Variants in INPP4B observed in about 807,000 individuals in gnomAD.
The protein encoded by INPP4B is inositol polyphosphate 4-phosphatase type II.
A neutral mutation model predicts 122.5 loss-of-function variants in INPP4B; 55 were observed. The observed-to-expected ratio is 0.45, with a 90% CI of 0.36 to 0.56. The LOEUF is 0.56. Ranked by LOEUF, INPP4B falls within the 20% of genes least tolerant of loss-of-function variation. INPP4B has a pLI of 0.00. For missense variants in INPP4B, 1,000 were observed against 1,097.7 expected (o/e 0.91, Z 1.26); for synonymous variants, 403 against 388.7 (o/e 1.04, Z -0.43).
intron 2 of INPP4B, among the ~76,000 whole-genome samples, chr4:142,637,833 G>T (rs984479875): frequency 1.5e-4 from 23 of 152,162 alleles, no homozygotes; most frequent in African/African-American, 5.5e-4. Context: ...ATGAGTTCCT[G>T]TTGCTCCATA....
At chr4:142,096,816 T>A (rs1782019455) in intron 23 of INPP4B, among the ~76,000 whole-genome samples, 2 of 152,248 alleles carry the variant, frequency 1.3e-5, no homozygotes, top group Admixed American at 1.3e-4. Context: ...CAATCTTCAG[T>A]TCACTGCAGA....
At chr4:142,459,671 A>G (rs1816299263) in intron 3 of INPP4B, among the ~76,000 whole-genome samples, 1 of 152,170 alleles carries the variant, frequency 6.6e-6, no homozygotes, top group African/African-American at 2.4e-5. Flanking sequence ...AAAATCACAG[A>G]GAAGCGTAAT....
At chr4:142,099,783 T>G (rs1228103111) in intron 23 of INPP4B, among the ~76,000 whole-genome samples, 2 of 152,180 alleles carry the variant, frequency 1.3e-5, no homozygotes. Context: ...GCTTAGGTCA[T>G]TCAACTATTA....
chr4:142,773,845 T>C (rs1386938565), intron 1 of INPP4B, among the ~76,000 whole-genome samples: 1 of 151,164 alleles, frequency 6.6e-6, no homozygotes, highest in Non-Finnish European at 1.5e-5. Flanking sequence ...ATGAAATTGA[T>C]CTAGATTTTT....
intron 15 of INPP4B, among the ~76,000 whole-genome samples, chr4:142,177,466 A>G (rs1373724058): frequency 1.3e-5 from 2 of 152,148 alleles, no homozygotes; most frequent in Non-Finnish European, 2.9e-5. Flanking sequence ...ACTGGATCCA[A>G]ACACTTGAGT....
chr4:142,030,396 C>G, intron 25 of INPP4B: 1 of 994,276 alleles, frequency 1.0e-6, no homozygotes, highest in Non-Finnish European at 1.5e-6. Context: ...AAATACAATG[C>G]ATTATCTTAC....
At chr4:142,699,648 T>C (rs76208669) in intron 2 of INPP4B, among the ~76,000 whole-genome samples, 1,743 of 152,310 alleles carry the variant, frequency 0.011, 32 homozygotes, top group African/African-American at 0.032. Context: ...TTAAATACTT[T>C]TGTCTCCTAT....
chr4:142,428,840 G>A (rs1211917147), intron 5 of INPP4B, among the ~76,000 whole-genome samples: 1 of 151,894 alleles, frequency 6.6e-6, no homozygotes, highest in East Asian at 1.9e-4. Flanking sequence ...CTCCAGTCCA[G>A]GTATAGAAAA....
chr4:142,340,708 C>T (rs1337688259), intron 7 of INPP4B, among the ~76,000 whole-genome samples: 2 of 152,174 alleles, frequency 1.3e-5, no homozygotes, highest in African/African-American at 4.8e-5. Flanking sequence ...CCACCATAAC[C>T]AGCCAGGGTC....
At chr4:142,259,243 T>C (rs1243167334) in intron 11 of INPP4B, among the ~76,000 whole-genome samples, 4 of 148,908 alleles carry the variant, frequency 2.7e-5, no homozygotes, top group Non-Finnish European at 6.0e-5. Context: ...TTGGGAGATA[T>C]ACCTAATGCT....
At chr4:142,757,797 AG>A (rs2150965249) in intron 1 of INPP4B, among the ~76,000 whole-genome samples, 1 of 152,298 alleles carries the variant, frequency 6.6e-6, no homozygotes, top group Non-Finnish European at 1.5e-5. Flanking sequence ...GCTGGATCTT[AG>A]GGTAAGAATA....
chr4:142,656,917 A>G (rs1754259364), intron 2 of INPP4B, among the ~76,000 whole-genome samples: 1 of 152,154 alleles, frequency 6.6e-6, no homozygotes, highest in Admixed American at 6.5e-5. Context: ...GCTGTGGCCA[A>G]TCTGGTGTGC....
At chr4:142,358,985 G>A (rs1338330481) in intron 7 of INPP4B, among the ~76,000 whole-genome samples, 1 of 151,872 alleles carries the variant, frequency 6.6e-6, no homozygotes, top group Non-Finnish European at 1.5e-5. Context: ...GTGTTTTAGA[G>A]GGCTATTCTG....
intron 10 of INPP4B, among the ~76,000 whole-genome samples, 191 bp downstream of exon 10, chr4:142,270,472 T>C (rs1301612177): frequency 6.6e-6 from 1 of 152,166 alleles, no homozygotes; most frequent in Non-Finnish European, 1.5e-5. Flanking sequence ...TTGCTTTGCA[T>C]AGTTCCAAGC....
At chr4:142,452,060 C>A (rs543683509) in intron 3 of INPP4B, among the ~76,000 whole-genome samples, 67 of 152,240 alleles carry the variant, frequency 4.4e-4, no homozygotes, top group Admixed American at 1.3e-3. Flanking sequence ...CCTAGCCCCC[C>A]ACCTGCCGAC....
intron 2 of INPP4B, among the ~76,000 whole-genome samples, chr4:142,713,995 T>A (rs559020115): frequency 5.9e-5 from 9 of 152,336 alleles, no homozygotes. Flanking sequence ...CACTAAAATA[T>A]AGAAGGCTTA....
intron 2 of INPP4B, among the ~76,000 whole-genome samples, chr4:142,662,439 CA>C (rs755094858): frequency 6.6e-6 from 1 of 152,054 alleles, no homozygotes; most frequent in Non-Finnish European, 1.5e-5. Flanking sequence ...AATTGTCCAC[CA>C]AAAATTTTCC....
chr4:142,737,383 T>C (rs1561013867), intron 1 of INPP4B, among the ~76,000 whole-genome samples: 1 of 152,184 alleles, frequency 6.6e-6, no homozygotes, highest in East Asian at 1.9e-4. Flanking sequence ...ATTTAATAAA[T>C]GGTGCTGGGA....
chr4:142,571,858 T>C (rs994110213), intron 2 of INPP4B, among the ~76,000 whole-genome samples: 1 of 152,112 alleles, frequency 6.6e-6, no homozygotes, highest in African/African-American at 2.4e-5. Context: ...AAGGCTATAT[T>C]GTTATTCAGT....
Sources: gnomAD v4.1 joint callset for allele counts (sites outside exome capture counted in the v4.1 genomes callset) on GRCh38, gnomAD v4.1.1 for gene constraint, MANE v1.5 for transcripts, NCBI Gene and HGNC (gene_info 2026-07-23, HGNC 2026-07-21) for gene names.